TRPM3: variants seen among roughly 807,000 people sequenced by gnomAD.
The protein encoded by TRPM3 is transient receptor potential cation channel subfamily M member 3, also known as long transient receptor potential channel 3.
In TRPM3, 77 loss-of-function variants were observed where a neutral mutation model predicts 181.2. The ratio of observed to expected loss-of-function variants is 0.42; its 90% confidence interval spans 0.35 to 0.51. The LOEUF (loss-of-function observed/expected upper bound fraction) is 0.51, where lower values mean the gene tolerates loss of function less well. Ranked by LOEUF, TRPM3 falls within the 20% of genes least tolerant of loss-of-function variation. The probability of loss-of-function intolerance (pLI) is 0.01; values close to 1 mark genes in which losing one functional copy is unlikely to be tolerated. For missense variants in TRPM3, 1,759 were observed against 2,196.7 expected (o/e 0.80, Z 3.98); for synonymous variants, 745 against 796.4 (o/e 0.94, Z 1.09).
At chr9:70,756,851 A>G (rs984666476) in intron 8 of TRPM3, among the ~76,000 whole-genome samples, 2 of 152,234 alleles carry the variant, frequency 1.3e-5, no homozygotes, top group African/African-American at 4.8e-5. Flanking sequence ...TTAGAGGTAA[A>G]TATGTAGCAC....
chr9:71,279,045 A>AAAAAC (rs2084467426), intron 1 of TRPM3, among the ~76,000 whole-genome samples: 1 of 125,156 alleles, frequency 8.0e-6, no homozygotes, highest in Admixed American at 7.5e-5. Flanking sequence ...TAAAAAAAAT[A>AAAAAC]AAAATAAAAA....
At chr9:71,434,096 C>G (rs891607626) in intron 1 of TRPM3, among the ~76,000 whole-genome samples, 1 of 152,094 alleles carries the variant, frequency 6.6e-6, no homozygotes, top group African/African-American at 2.4e-5. Flanking sequence ...GAGGTGGAGG[C>G]TGCAGTGAGC....
chr9:70,655,501 T>C (rs1300771257), intron 9 of TRPM3, among the ~76,000 whole-genome samples: 2 of 152,064 alleles, frequency 1.3e-5, no homozygotes, highest in African/African-American at 4.8e-5. Context: ...AACCACTGTT[T>C]GGCTCCAACA....
In TRPM3 at chr9:71,321,655, T is replaced by C. The variant is rs542729078; in HGVS notation, c.183+124998A>G. Among the ~76,000 whole-genome samples the C allele has an allele frequency of 4.6e-5, 7 of 152,222 alleles. No homozygotes were observed. In the East Asian group the frequency reaches 1.4e-3, roughly 29 times the overall value. ...ATTGATGAAATGATGGTCATTTCTG[T>C]GAGATGAACTTCCTGGTAAGTATAA... On this transcript the variant is annotated intron_variant, in intron 1 of 24. Coordinates refer to the TRPM3 transcript ENST00000357533.
chr9:71,342,900 A>G (rs1245357405), intron 1 of TRPM3, among the ~76,000 whole-genome samples: 1 of 152,158 alleles, frequency 6.6e-6, no homozygotes, highest in Non-Finnish European at 1.5e-5. Flanking sequence ...AAAAGAAATA[A>G]GCTATCAAGC....
At chr9:70,566,218 C>T (rs979479373) in intron 22 of TRPM3, among the ~76,000 whole-genome samples, 2 of 152,016 alleles carry the variant, frequency 1.3e-5, no homozygotes, top group African/African-American at 4.8e-5. Flanking sequence ...AGGTGTGATG[C>T]GGGAAGCCCA....
At position 70,639,157 on chromosome 9, in the gene TRPM3, A is replaced by G; in HGVS notation, c.1484T>C (p.Val495Ala). 1 of 1,614,032 alleles carries G rather than the reference A, an allele frequency of 6.2e-7. No individual in the cohort carries two copies. The highest frequency in any genetic ancestry group is 8.5e-7 in the Non-Finnish European group (1 of 1,179,934). Residue 495 changes from valine (V) to alanine (A), a missense_variant, in exon 11 of 26, where the codon GTT (valine) becomes GCT (alanine). By Grantham distance (64) the Val-to-Ala change is moderately conservative. Coordinates refer to ENST00000677713, the MANE Select transcript of TRPM3 (RefSeq NM_001366145.2). ...SLEQAMLDAL[V>A]LDRVDFVKLL... is the part of the protein sequence containing the mutation. ...TTTCACAAAATCCACTCTGTCCAGA[A>G]CTAAGGCATCCAACATGGCTTGCTC...
intron 5 of TRPM3, among the ~76,000 whole-genome samples, chr9:70,829,756 C>G (rs557201223): frequency 2.6e-5 from 4 of 152,182 alleles, no homozygotes; most frequent in Admixed American, 2.6e-4. Context: ...ACTGCTTTGT[C>G]TAGATGATTG....
chr9:71,102,819 C>T (rs1591432366), intron 1 of TRPM3, among the ~76,000 whole-genome samples: 1 of 152,262 alleles, frequency 6.6e-6, no homozygotes, highest in East Asian at 1.9e-4. Flanking sequence ...AGATCCTAGA[C>T]TGTAAAGATT....
At chr9:70,811,819 G>T (rs1002227900) in intron 6 of TRPM3, among the ~76,000 whole-genome samples, 2 of 152,068 alleles carry the variant, frequency 1.3e-5, no homozygotes, top group Non-Finnish European at 2.9e-5. Flanking sequence ...CTTTTTAAAA[G>T]AGGAATTGAA....
At chr9:70,831,250 T>C (rs1254358393) in intron 5 of TRPM3, among the ~76,000 whole-genome samples, 1 of 152,188 alleles carries the variant, frequency 6.6e-6, no homozygotes, top group Non-Finnish European at 1.5e-5. Flanking sequence ...TCTAAAAAGA[T>C]TTGCTGATCT....
chr9:71,166,461 G>T (rs1322446483), intron 1 of TRPM3, among the ~76,000 whole-genome samples: 2 of 151,960 alleles, frequency 1.3e-5, no homozygotes, highest in Non-Finnish European at 2.9e-5. Context: ...AGACCATATT[G>T]TCCTACTGTC....
intron 25 of TRPM3, among the ~76,000 whole-genome samples, chr9:70,547,227 A>G (rs1476500153): frequency 6.6e-6 from 1 of 152,204 alleles, no homozygotes; most frequent in Non-Finnish European, 1.5e-5. Flanking sequence ...CACACTGTAT[A>G]GAATATACAC....
At chr9:70,657,484 A>G (rs901803083) in intron 9 of TRPM3, among the ~76,000 whole-genome samples, 2 of 152,116 alleles carry the variant, frequency 1.3e-5, no homozygotes, top group Non-Finnish European at 2.9e-5. Flanking sequence ...TTCTTCCAAT[A>G]TAATATTTGG....
At chr9:71,185,636 T>C (rs190506933) in intron 1 of TRPM3, among the ~76,000 whole-genome samples, 227 of 138,166 alleles carry the variant, frequency 1.6e-3, no homozygotes, top group African/African-American at 4.6e-3. Context: ...TTATTTATTA[T>C]GCATCTATTA....
chr9:70,653,515 C>T (rs1157510447), intron 9 of TRPM3, among the ~76,000 whole-genome samples: 2 of 151,698 alleles, frequency 1.3e-5, no homozygotes, highest in Non-Finnish European at 2.9e-5. Flanking sequence ...ATTTGACCAA[C>T]TCCACTTAAC....
At chr9:71,025,216 A>T (rs2097884450) in intron 1 of TRPM3, among the ~76,000 whole-genome samples, 1 of 152,242 alleles carries the variant, frequency 6.6e-6, no homozygotes, top group Non-Finnish European at 1.5e-5. Flanking sequence ...ATTAAATTTC[A>T]TCTTATTTTG....
chr9:70,918,446 A>T (rs543283221), intron 1 of TRPM3, among the ~76,000 whole-genome samples: 2 of 152,344 alleles, frequency 1.3e-5, no homozygotes, highest in East Asian at 3.9e-4. Flanking sequence ...CAATGAAATA[A>T]AACCAGAAAT....
chr9:71,081,365 C>T lies in TRPM3; in HGVS notation c.177+39813G>A, dbSNP rs74860969. ...CACAAATTGTGTGAACTTGTGCAAG[C>T]TGACCTCAGTTTCTTAGTGTGCTCA... On this transcript the variant is annotated intron_variant, in intron 1 of 25. Transcript: ENST00000677713. Among the ~76,000 whole-genome samples the T allele has an allele frequency of 1.3e-4, 20 of 152,268 alleles. No homozygotes were observed. In the East Asian group the frequency reaches 3.9e-3, roughly 29 times the overall value.
Sources: gnomAD v4.1 joint callset for allele counts (sites outside exome capture counted in the v4.1 genomes callset) on GRCh38, gnomAD v4.1.1 for gene constraint, MANE v1.5 for transcripts, NCBI Gene and HGNC (gene_info 2026-07-23, HGNC 2026-07-21) for gene names.